PCF11: variants seen among roughly 807,000 people sequenced by gnomAD.
PCF11 encodes the protein pre-mRNA cleavage complex 2 protein Pcf11.
In PCF11, 19 loss-of-function variants were observed where a neutral mutation model predicts 166.1. That is an observed-to-expected ratio of 0.11 (90% CI 0.08 to 0.17). The LOEUF is 0.17. Among genes scored for constraint, PCF11 ranks in the 10% least tolerant of loss-of-function variants. The pLI is 1.00. For missense variants in PCF11, 1,565 were observed against 1,855.5 expected (o/e 0.84, Z 2.88); for synonymous variants, 663 against 644.1 (o/e 1.03, Z -0.44).
In PCF11 at chr11:83,169,555, A is replaced by G. The variant is rs769202090; in HGVS notation, c.3220A>G (p.Arg1074Gly). ...GACTCCTGGTCAGCCAGGCCCTCAG[A>G]GGTTTGATGGACCACCTGGACAGCA... Residue 1074 changes from arginine (R) to glycine (G), a missense_variant, in exon 8 of 16, where the codon AGG becomes GGG. This residue lies in a region of PCF11 where 725 missense variants were observed against 749.3 expected (regional missense o/e 0.97). Transcript: ENST00000298281. 5.0e-6 allele frequency: 8 copies of G among 1,613,868 alleles called. No homozygotes were observed. In the Admixed American group the frequency reaches 1.2e-4, roughly 24 times the overall value.
chr11:83,179,357 C>G (rs554878174), intron 11 of PCF11, among the ~76,000 whole-genome samples: 70 of 151,888 alleles, frequency 4.6e-4, no homozygotes, highest in African/African-American at 1.6e-3. Flanking sequence ...TCAAGTGATT[C>G]TCCTGCCGCA....
chr11:83,162,843 C>G (rs768222495), intron 2 of PCF11, among the ~76,000 whole-genome samples: 2 of 152,172 alleles, frequency 1.3e-5, no homozygotes, highest in African/African-American at 4.8e-5. Context: ...GGCACAATCT[C>G]GGCTCACTGC....
At chr11:83,170,126 A>G in intron 8 of PCF11, 131 bp downstream of exon 8, 1 of 707,980 alleles carries the variant, frequency 1.4e-6, no homozygotes. Context: ...CTAAAGCCAC[A>G]TGCTAAGGAA....
At chr11:83,177,204 C>G (rs1455282645) in exon 10 of PCF11, 2 of 1,535,596 alleles carry the variant, frequency 1.3e-6, no homozygotes, top group South Asian at 1.3e-5. Context: ...AGCTACAACA[C>G]GTAAGTGTGA....
chr11:83,181,242 T>C, intron 12 of PCF11, 51 bp downstream of exon 12: 1 of 693,356 alleles, frequency 1.4e-6, no homozygotes, highest in Non-Finnish European at 2.1e-6. Flanking sequence ...AATTATATCA[T>C]TCTAAAAGTA....
chr11:83,169,955 C>T (rs371158479), exon 8 of PCF11: 3 of 1,605,140 alleles, frequency 1.9e-6, no homozygotes, highest in African/African-American at 2.7e-5. Context: ...GGCAATATAC[C>T]TGCTCCAATG....
chr11:83,184,885 G>A (rs1216324079), exon 16 of PCF11: 2 of 1,550,368 alleles, frequency 1.3e-6, no homozygotes, highest in Non-Finnish European at 1.7e-6. Flanking sequence ...ACACAGTCGA[G>A]TCAGTTTAAA....
exon 13 of PCF11, chr11:83,181,895 G>C: frequency 6.2e-7 from 1 of 1,611,702 alleles, no homozygotes. Flanking sequence ...TGGAAGAACG[G>C]GCAAAGAGCC....
At chr11:83,176,384 C>T (rs1411724069) in intron 9 of PCF11, among the ~76,000 whole-genome samples, 1 of 152,172 alleles carries the variant, frequency 6.6e-6, no homozygotes, top group African/African-American at 2.4e-5. Context: ...GACACGTGCA[C>T]ACATATGTTT....
At chr11:83,171,863 C>G (rs1860701395) in exon 9 of PCF11, 1 of 1,604,658 alleles carries the variant, frequency 6.2e-7, no homozygotes, top group African/African-American at 1.3e-5. Context: ...TCAAGGACAA[C>G]AGTTTTTACC....
At position 83,171,700 on chromosome 11, in the gene PCF11, A is replaced by G. The variant is rs1056486450; in HGVS notation, c.3661-118A>G. The stretch of plus-strand genomic sequence containing the variant: ...TGATGCAGCCAAGTTATCTTTCTAA[A>G]TCTTTATTTATAAGCCAGGCCTTGT... On this transcript the variant is annotated intron_variant, in intron 8 of 15. Transcript: ENST00000298281. 20 of 680,440 alleles carry G rather than the reference A, an allele frequency of 2.9e-5. No homozygotes were observed. In the African/African-American group the frequency reaches 3.5e-4, roughly 12 times the overall value. The allele number at this position is 680,440 out of a possible 1,614,324, so 42.2% of individuals were successfully genotyped here.
At chr11:83,187,062 G>A (rs959434260) in exon 16 of PCF11, 2 of 152,114 alleles carry the variant, frequency 1.3e-5, no homozygotes, top group African/African-American at 2.4e-5. Context: ...AGACAGTCTT[G>A]CTATGTTGCT....
chr11:83,160,321 G>GTTTT lies in PCF11; in HGVS notation c.193-987_193-984dup, dbSNP rs35201107. ...GGGTGGGTAAATGGGGATAACCTAA[G>GTTTT]TTTTTTTTTTTTTTTTTTTTTTGTC... On this transcript the variant is annotated intron_variant, in intron 1 of 15. Transcript: ENST00000298281. Among the ~76,000 whole-genome samples the GTTTT allele has an allele frequency of 8.9e-3, 815 of 91,222 alleles. 29 individuals carry two copies. The highest frequency in any genetic ancestry group is 0.031 in the African/African-American group (721 of 23,410). The allele number at this position is 91,222 out of a possible 152,430, so 59.8% of individuals were successfully genotyped here.
rs1224667769 is a variant in PCF11, at chr11:83,163,923, C to A, written c.507+56C>A. On this transcript the variant is annotated intron_variant, in intron 3 of 15. Transcript: ENST00000298281. Reference sequence around the variant, plus strand: ...ACTTTTAAGTATCACATTTTGAATTCTTCTGCAGAACTTACTGCCAGAAAG... The same window carrying A: ...ACTTTTAAGTATCACATTTTGAATTATTCTGCAGAACTTACTGCCAGAAAG... The A allele has an allele frequency of 3.7e-6, 3 of 808,924 alleles. No homozygotes were observed. In the African/African-American group the frequency reaches 5.4e-5, roughly 15 times the overall value. 50.1% of individuals were successfully genotyped at this position (808,924 alleles called of 1,614,324 possible). A position where few individuals can be genotyped will look rare whatever the true frequency, so the allele number is the denominator to read the frequency against.
At chr11:83,169,201 T>G (rs1290190549) in exon 8 of PCF11, 1 of 1,613,188 alleles carries the variant, frequency 6.2e-7, no homozygotes, top group Admixed American at 1.7e-5. Flanking sequence ...TGGAATGAGG[T>G]TTGAGGGCCC....
exon 5 of PCF11, chr11:83,165,983 T>G (rs747905489): frequency 3.1e-6 from 5 of 1,598,242 alleles, no homozygotes; most frequent in Non-Finnish European, 2.6e-6. Flanking sequence ...AATTAGATTC[T>G]AAATCGAAAT....
intron 14 of PCF11, 38 bp downstream of exon 14, chr11:83,182,529 G>C (rs1162795256): frequency 3.9e-6 from 4 of 1,014,704 alleles, no homozygotes; most frequent in African/African-American, 1.6e-5. Context: ...GTTAAGATTA[G>C]TGTTTTTTTG....
At chr11:83,162,468 T>C (rs1565151040) in intron 2 of PCF11, among the ~76,000 whole-genome samples, 2 of 152,254 alleles carry the variant, frequency 1.3e-5, no homozygotes, top group Non-Finnish European at 2.9e-5. Context: ...ATTAAAATGC[T>C]TGTTAATAGA....
At chr11:83,162,965 G>A (rs149154970) in intron 2 of PCF11, among the ~76,000 whole-genome samples, 2 of 152,076 alleles carry the variant, frequency 1.3e-5, no homozygotes, top group Non-Finnish European at 2.9e-5. Context: ...GTAAAGACGG[G>A]GTTTCACCAT....
Sources: allele counts gnomAD v4.1 joint callset (sites outside exome capture counted in the v4.1 genomes callset), GRCh38; gene constraint gnomAD v4.1.1; regional missense constraint gnomAD v4.1.1; transcripts MANE v1.5; gene names NCBI Gene and HGNC (gene_info 2026-07-23, HGNC 2026-07-21).